Variants in ENPP6 observed in about 807,000 individuals in gnomAD.
ENPP6 encodes the protein glycerophosphocholine cholinephosphodiesterase ENPP6.
In ENPP6, 32 loss-of-function variants were observed where a neutral mutation model predicts 42.0. The ratio of observed to expected loss-of-function variants is 0.76; its 90% CI spans 0.58 to 1.02. The LOEUF is 1.02. Among genes scored for constraint, ENPP6 ranks in the 50% least tolerant of loss-of-function variants. ENPP6 has a pLI of 0.00. For missense variants in ENPP6, 552 were observed against 566.8 expected, an observed-to-expected ratio of 0.97 and a Z score of 0.27; for synonymous variants, 213 against 216.0, an observed-to-expected ratio of 0.99 and a Z score of 0.12.
At chr4:184,167,357 C>T (rs545724851) in intron 1 of ENPP6, among the ~76,000 whole-genome samples, 3 of 152,286 alleles carry the variant, frequency 2.0e-5, no homozygotes, top group South Asian at 4.1e-4. Flanking sequence ...TCAGGTGATC[C>T]GCCCCCCTTG....
At chr4:184,142,425 T>C (rs1219755297) in intron 2 of ENPP6, among the ~76,000 whole-genome samples, 2 of 152,270 alleles carry the variant, frequency 1.3e-5, no homozygotes, top group East Asian at 1.9e-4. Context: ...GCACAGAAGC[T>C]TGTGGGAACA....
intron 7 of ENPP6, among the ~76,000 whole-genome samples, chr4:184,093,616 G>T (rs769954706): frequency 1.3e-4 from 20 of 148,614 alleles, no homozygotes; most frequent in Non-Finnish European, 2.8e-4. Context: ...TCCAGCCTGG[G>T]CAACAGAGCA....
Position 184,139,336 on chromosome 4 carries a change from T to A in ENPP6, c.421+14218A>T, listed in dbSNP as rs534963890. 2.4e-3 allele frequency among the ~76,000 whole-genome samples: 368 copies of A among 151,828 alleles called. 2 individuals are homozygous for A. Among genetic ancestry groups the A allele is most frequent in the African/African-American group, 8.3e-3 (343 of 41,132 alleles). ...AAGTTAATTATTCTGAGGTGAATTT[T>A]TTTTTTTTAGTTTTTTTTTTAAATT... On this transcript the variant is annotated intron_variant, in intron 2 of 7. Coordinates refer to ENST00000296741, the MANE Select transcript of ENPP6 (RefSeq NM_153343.4).
intron 7 of ENPP6, among the ~76,000 whole-genome samples, chr4:184,096,598 G>A (rs555434030): frequency 6.6e-6 from 1 of 152,292 alleles, no homozygotes; most frequent in Admixed American, 6.5e-5. Context: ...GGATCCATCT[G>A]TTAAATCAAA....
chr4:184,174,833 C>T (rs960327777), intron 1 of ENPP6, among the ~76,000 whole-genome samples: 1 of 152,122 alleles, frequency 6.6e-6, no homozygotes, highest in Admixed American at 6.5e-5. Context: ...CTTCAATGAC[C>T]CAATGGCCAC....
At chr4:184,135,469 T>A (rs908451078) in intron 2 of ENPP6, among the ~76,000 whole-genome samples, 1 of 152,232 alleles carries the variant, frequency 6.6e-6, no homozygotes, top group Non-Finnish European at 1.5e-5. Context: ...ATTCTAGCAT[T>A]AGAGTCTACA....
intron 6 of ENPP6, among the ~76,000 whole-genome samples, chr4:184,098,969 TATC>T (rs1735955201): frequency 1.3e-5 from 2 of 152,298 alleles, no homozygotes; most frequent in South Asian, 2.1e-4. Context: ...ACAAGACTAG[TATC>T]ATGTGTTTAG....
chr4:184,205,806 G>T (rs916490126), intron 1 of ENPP6, among the ~76,000 whole-genome samples: 5 of 152,212 alleles, frequency 3.3e-5, no homozygotes, highest in Admixed American at 6.5e-5. Flanking sequence ...ACCTTGAAAG[G>T]TCAGCTGATT....
At chr4:184,129,232 T>C (rs955651434) in intron 2 of ENPP6, among the ~76,000 whole-genome samples, 6 of 151,020 alleles carry the variant, frequency 4.0e-5, no homozygotes, top group Non-Finnish European at 7.4e-5. Flanking sequence ...TTTTGAAAAC[T>C]TTTTGTCTGT....
At chr4:184,179,815 G>A (rs532268978) in intron 1 of ENPP6, among the ~76,000 whole-genome samples, 1 of 152,282 alleles carries the variant, frequency 6.6e-6, no homozygotes, top group South Asian at 2.1e-4. Flanking sequence ...GAAGTTCTTT[G>A]AAACCAATGA....
At chr4:184,119,369 C>G (rs141265540) in intron 3 of ENPP6, among the ~76,000 whole-genome samples, 30 of 143,108 alleles carry the variant, frequency 2.1e-4, no homozygotes, top group African/African-American at 6.8e-4. Context: ...GTGTGTGTCT[C>G]ATTTACTCCT....
rs573480708 is a variant in ENPP6, at chr4:184,090,261, C to T, written c.*916G>A. The T allele has an allele frequency of 6.6e-6, 1 of 152,228 alleles. No homozygotes were observed. Among genetic ancestry groups the T allele is most frequent in the Admixed American group, 6.5e-5 (1 of 15,280 alleles). The allele number at this position is 152,228 out of a possible 1,614,324, so 9.4% of individuals were successfully genotyped here. A position where few individuals can be genotyped will look rare whatever the true frequency, so the allele number is the denominator to read the frequency against. On this transcript the variant is annotated 3_prime_UTR_variant, in exon 8 of 8. Transcript: ENST00000296741. ...CCAGCCCTTTCCCAGGCTATAATGTCATGTCAGGGATTGCTCTTGTCTGCA... is the reference window on the plus strand; with the variant it reads ...CCAGCCCTTTCCCAGGCTATAATGTTATGTCAGGGATTGCTCTTGTCTGCA...
intron 1 of ENPP6, among the ~76,000 whole-genome samples, chr4:184,214,476 A>G (rs1733166332): frequency 6.6e-6 from 1 of 152,204 alleles, no homozygotes; most frequent in Non-Finnish European, 1.5e-5. Context: ...CTCTGTCTCA[A>G]GGGAGTTTCC....
chr4:184,185,092 T>A (rs964412329), intron 1 of ENPP6, among the ~76,000 whole-genome samples: 2 of 152,220 alleles, frequency 1.3e-5, no homozygotes, highest in African/African-American at 4.8e-5. Flanking sequence ...TAAGTAAATA[T>A]AGCATATTTT....
intron 4 of ENPP6, 81 bp downstream of exon 4, chr4:184,117,678 T>C: frequency 1.3e-6 from 2 of 1,573,108 alleles, no homozygotes; most frequent in Middle Eastern, 1.7e-4. Flanking sequence ...AGAGGGAAGA[T>C]GTTGACAGGA....
At chr4:184,128,435 C>A (rs1736540081) in intron 2 of ENPP6, among the ~76,000 whole-genome samples, 1 of 152,164 alleles carries the variant, frequency 6.6e-6, no homozygotes, top group South Asian at 2.1e-4. Context: ...CCTGCCTCAG[C>A]CTCTCAAAGT....
intron 3 of ENPP6, among the ~76,000 whole-genome samples, chr4:184,121,360 C>G (rs1228049877): frequency 1.3e-5 from 2 of 152,230 alleles, no homozygotes; most frequent in Admixed American, 6.5e-5. Flanking sequence ...TGTCCCTGAG[C>G]AGACCTCTAT....
At chr4:184,109,875 A>G (rs1342030628) in intron 6 of ENPP6, among the ~76,000 whole-genome samples, 2 of 152,194 alleles carry the variant, frequency 1.3e-5, no homozygotes, top group East Asian at 3.9e-4. Flanking sequence ...TGATTTGTCA[A>G]TGCATACAAA....
intron 1 of ENPP6, among the ~76,000 whole-genome samples, chr4:184,172,198 T>C (rs531903165): frequency 6.6e-6 from 1 of 152,172 alleles, no homozygotes; most frequent in Admixed American, 6.5e-5. Flanking sequence ...TGTGGCGCAT[T>C]GTTGGGAGGA....
Sources: allele counts gnomAD v4.1 joint callset (sites outside exome capture counted in the v4.1 genomes callset), GRCh38; gene constraint gnomAD v4.1.1; transcripts MANE v1.5; gene names NCBI Gene and HGNC (gene_info 2026-07-23, HGNC 2026-07-21).